RYR3: variants seen among roughly 807,000 people sequenced by gnomAD.
The protein encoded by RYR3 is ryanodine receptor 3.
Under a neutral mutation model 584.3 loss-of-function variants are expected in RYR3, and 207 were observed. The ratio of observed to expected loss-of-function variants is 0.35; its 90% confidence interval spans 0.32 to 0.40. The LOEUF (loss-of-function observed/expected upper bound fraction) is 0.40. Ranked by LOEUF, RYR3 falls within the 10% of genes least tolerant of loss-of-function variation. The pLI, the probability that RYR3 is intolerant of heterozygous loss-of-function variation, is 1.00. For missense variants in RYR3, 5,616 were observed against 6,089.2 expected (o/e 0.92, Z 2.59); for synonymous variants, 2,416 against 2,248.5 (o/e 1.07, Z -2.11).
intron 1 of RYR3, among the ~76,000 whole-genome samples, chr15:33,453,796 A>G (rs776176697): frequency 1.3e-5 from 2 of 152,200 alleles, no homozygotes; most frequent in Admixed American, 6.5e-5. Flanking sequence ...CTGTGTTTTC[A>G]TATGAAAAAA....
chr15:33,708,477 G>T (rs991620772), intron 43 of RYR3, among the ~76,000 whole-genome samples: 28 of 152,166 alleles, frequency 1.8e-4, no homozygotes, highest in African/African-American at 6.5e-4. Flanking sequence ...TGTGGGTTAG[G>T]TACAACAATA....
intron 42 of RYR3, among the ~76,000 whole-genome samples, chr15:33,702,000 C>T (rs1346757203): frequency 6.6e-6 from 1 of 152,162 alleles, no homozygotes; most frequent in Non-Finnish European, 1.5e-5. Flanking sequence ...AATTCATGCT[C>T]ATACACTGTG....
chr15:33,337,432 A>G (rs1263261248), intron 1 of RYR3, among the ~76,000 whole-genome samples: 1 of 152,218 alleles, frequency 6.6e-6, no homozygotes, highest in Non-Finnish European at 1.5e-5. Flanking sequence ...GATAATTCCA[A>G]GCTTGCAAAA....
At chr15:33,631,896 T>C (rs1332891261) in intron 23 of RYR3, among the ~76,000 whole-genome samples, 1 of 152,216 alleles carries the variant, frequency 6.6e-6, no homozygotes, top group East Asian at 1.9e-4. Flanking sequence ...AGCCAAGCAG[T>C]GCCAGCTTTA....
At chr15:33,765,694 A>T (rs1246525807) in intron 60 of RYR3, among the ~76,000 whole-genome samples, 1 of 151,880 alleles carries the variant, frequency 6.6e-6, no homozygotes, top group Admixed American at 6.6e-5. Flanking sequence ...TTTCCCTAGC[A>T]TCCAGTGAAC....
At chr15:33,829,356 G>A (rs112168969) in intron 85 of RYR3, among the ~76,000 whole-genome samples, 59 of 152,190 alleles carry the variant, frequency 3.9e-4, no homozygotes, top group African/African-American at 1.3e-3. Flanking sequence ...AATGCATTTC[G>A]TAAGGCTACA....
chr15:33,862,056 C>A (rs939521658), intron 102 of RYR3, among the ~76,000 whole-genome samples: 1 of 152,108 alleles, frequency 6.6e-6, no homozygotes, highest in Admixed American at 6.6e-5. Flanking sequence ...TAGGGACTTC[C>A]TATAAAACTT....
At position 33,788,691 on chromosome 15, in the gene RYR3, C is replaced by T. The variant is rs111776299; in HGVS notation, c.9830+233C>T. On this transcript the variant is annotated intron_variant, in intron 67 of 103. Coordinates refer to ENST00000634891, the MANE Select transcript of RYR3 (RefSeq NM_001036.6). Reference sequence around the variant, plus strand: ...GACATGGCCATCTCCTCCATCCTTACGGGCTACCACAGGTCAGAGGAAGTT... The same window carrying T: ...GACATGGCCATCTCCTCCATCCTTATGGGCTACCACAGGTCAGAGGAAGTT... Among the ~76,000 whole-genome samples, 14 of 152,324 alleles carry T rather than the reference C, an allele frequency of 9.2e-5. 1 individual carries two copies. The highest frequency in any genetic ancestry group is 3.1e-4 in the African/African-American group (13 of 41,566).
chr15:33,627,296 A>G (rs1415553665), intron 20 of RYR3, among the ~76,000 whole-genome samples: 2 of 152,184 alleles, frequency 1.3e-5, no homozygotes, highest in African/African-American at 4.8e-5. Context: ...ATAATAAAAA[A>G]TCTGAGAGGA....
At position 33,788,375 on chromosome 15, in the gene RYR3, C is replaced by T. The variant is rs1318211242; in HGVS notation, c.9747C>T (p.Leu3249=). 14 of 1,613,982 alleles carry T rather than the reference C, an allele frequency of 8.7e-6. No homozygotes were observed. Among genetic ancestry groups the T allele is most frequent in the Non-Finnish European group, 1.1e-5 (13 of 1,179,880 alleles). ...AAGGGGACACCCAGGAGGCAGAACT[C>T]CTCATCCTGGACGAGTTCGCGGTCC... is the stretch of plus-strand genomic sequence containing the variant. ...DGKGDTQEAE[L]LILDEFAVLC... is the part of the protein sequence containing the mutation. Residue 3249 remains leucine (L), a synonymous_variant, in exon 67 of 104, where the codon CTC becomes CTT. Coordinates refer to ENST00000634891, the MANE Select transcript of RYR3 (RefSeq NM_001036.6).
At chr15:33,590,592 A>G (rs1185563940) in intron 16 of RYR3, among the ~76,000 whole-genome samples, 2 of 148,538 alleles carry the variant, frequency 1.3e-5, no homozygotes, top group African/African-American at 2.5e-5. Context: ...AGTGTTTCGT[A>G]ATTTTTTTTA....
chr15:33,726,339 T>A, intron 45 of RYR3, 47 bp from the exon 46 acceptor site: 1 of 1,605,378 alleles, frequency 6.2e-7, no homozygotes, highest in Non-Finnish European at 8.5e-7. Flanking sequence ...TGGAGGGAGG[T>A]GTGGGAACCT....
At chr15:33,816,811 G>T (rs921707989) in intron 74 of RYR3, 51 bp from the exon 75 acceptor site, 136 of 1,255,754 alleles carry the variant, frequency 1.1e-4, no homozygotes, top group Non-Finnish European at 1.5e-4. Flanking sequence ...CAAACTAAAA[G>T]AACAAGTTCC....
At chr15:33,435,887 C>T (rs1025551193) in intron 1 of RYR3, among the ~76,000 whole-genome samples, 5 of 152,198 alleles carry the variant, frequency 3.3e-5, no homozygotes, top group Non-Finnish European at 7.3e-5. Context: ...GTTGCCACTA[C>T]TGGCTGGGGT....
At chr15:33,669,903 G>GTGTGTGTC (rs58190959) in intron 37 of RYR3, among the ~76,000 whole-genome samples, 1 of 141,704 alleles carries the variant, frequency 7.1e-6, no homozygotes, top group Admixed American at 7.3e-5. Context: ...GTGTGTGTGT[G>GTGTGTGTC]TTTAGTAACT....
chr15:33,397,421 T>A (rs2042365223), intron 1 of RYR3, among the ~76,000 whole-genome samples: 1 of 152,356 alleles, frequency 6.6e-6, no homozygotes, highest in Non-Finnish European at 1.5e-5. Context: ...CTAGGCCCTA[T>A]GCATCAAAAG....
At chr15:33,701,257 G>C (rs984989625) in intron 42 of RYR3, among the ~76,000 whole-genome samples, 177 bp downstream of exon 42, 4 of 152,164 alleles carry the variant, frequency 2.6e-5, no homozygotes, top group South Asian at 4.1e-4. Flanking sequence ...ATGACCAAGG[G>C]ATCTCCTGTG....
intron 1 of RYR3, among the ~76,000 whole-genome samples, chr15:33,339,978 T>C (rs2879391): frequency 0.22 from 32,773 of 151,880 alleles, 3,816 homozygotes; most frequent in African/African-American, 0.29. Flanking sequence ...GAAAGGAAGA[T>C]GACAGATTGA....
intron 38 of RYR3, among the ~76,000 whole-genome samples, chr15:33,677,459 C>T (rs1596109205): frequency 6.6e-6 from 1 of 152,204 alleles, no homozygotes; most frequent in East Asian, 1.9e-4. Flanking sequence ...CCTCACTGTG[C>T]TCTTTTCCCC....
Sources: allele counts gnomAD v4.1 joint callset (sites outside exome capture counted in the v4.1 genomes callset), GRCh38; gene constraint gnomAD v4.1.1; transcripts MANE v1.5; gene names NCBI Gene and HGNC (gene_info 2026-07-23, HGNC 2026-07-21).